Variants in SIPA1L2 observed in about 807,000 individuals in gnomAD.
SIPA1L2 encodes signal induced proliferation associated 1 like 2.
SIPA1L2 carries 56 observed loss-of-function variants against 163.9 expected under a neutral mutation model. The ratio of observed to expected loss-of-function variants is 0.34; its 90% CI spans 0.28 to 0.43. SIPA1L2 has a LOEUF of 0.43. Ranked by LOEUF, SIPA1L2 falls within the 20% of genes least tolerant of loss-of-function variation. The probability of loss-of-function intolerance (pLI) is 1.00; values close to 1 mark genes in which losing one functional copy is unlikely to be tolerated. For synonymous variants in SIPA1L2, 877 were observed against 865.7 expected (o/e 1.01, Z -0.23); for missense variants, 1,974 against 2,193.5 (o/e 0.90, Z 2.00).
chr1:232,530,558 A>G (rs1244565894), intron 2 of SIPA1L2, among the ~76,000 whole-genome samples: 1 of 152,150 alleles, frequency 6.6e-6, no homozygotes, highest in Non-Finnish European at 1.5e-5. Flanking sequence ...CTGAGCAAAA[A>G]GGTAAATACT....
chr1:232,549,968 A>C (rs1172460105), intron 2 of SIPA1L2, among the ~76,000 whole-genome samples: 2 of 152,226 alleles, frequency 1.3e-5, no homozygotes, highest in Admixed American at 1.3e-4. Flanking sequence ...TAACTGTGAC[A>C]GTGAATTTCT....
intron 1 of SIPA1L2, among the ~76,000 whole-genome samples, chr1:232,626,178 CACTT>C (rs1232376640): frequency 1.3e-5 from 2 of 150,772 alleles, no homozygotes; most frequent in Non-Finnish European, 2.9e-5. Context: ...ATTTTAAACA[CACTT>C]ATGTAGCAAC....
chr1:232,406,327 C>T (rs1027980019), intron 19 of SIPA1L2, among the ~76,000 whole-genome samples: 6 of 152,220 alleles, frequency 3.9e-5, no homozygotes, highest in Non-Finnish European at 7.3e-5. Context: ...GGAGCCCCTT[C>T]GGTTTTCTTT....
In SIPA1L2 at chr1:232,564,463, A is replaced by C. The variant is rs1659283256; in HGVS notation, c.-270+9711T>G. Among the ~76,000 whole-genome samples, 3 of 152,080 alleles carry C rather than the reference A, an allele frequency of 2.0e-5. No homozygotes were observed. In the South Asian group the frequency reaches 6.2e-4, roughly 32 times the overall value. On this transcript the variant is annotated intron_variant, in intron 2 of 22. Transcript: ENST00000674635. ...AACCAGGAGGGAGGGGGTCACTATC[A>C]AGCATGAAGCCTGCCTGCAAGGGAT... is the stretch of plus-strand genomic sequence containing the variant.
intron 18 of SIPA1L2, among the ~76,000 whole-genome samples, chr1:232,425,259 C>CTTT (rs10633026): frequency 2.7e-5 from 4 of 147,282 alleles, no homozygotes; most frequent in Non-Finnish European, 3.0e-5. Context: ...TCAGTCTTTT[C>CTTT]TTTTTTTTTT....
chr1:232,580,637 G>A (rs1660325039), intron 1 of SIPA1L2, among the ~76,000 whole-genome samples: 1 of 152,110 alleles, frequency 6.6e-6, no homozygotes, highest in Non-Finnish European at 1.5e-5. Context: ...AACCTCACAT[G>A]GGTAGCAGCC....
chr1:232,447,743 C>T (rs1663301804), intron 10 of SIPA1L2, among the ~76,000 whole-genome samples: 1 of 152,188 alleles, frequency 6.6e-6, no homozygotes, highest in South Asian at 2.1e-4. Context: ...TTCTGTCTTT[C>T]CAGCTAATTA....
At chr1:232,614,213 G>C (rs1323668809) in intron 1 of SIPA1L2, among the ~76,000 whole-genome samples, 1 of 151,986 alleles carries the variant, frequency 6.6e-6, no homozygotes, top group Admixed American at 6.5e-5. Flanking sequence ...AAAGGGTTTT[G>C]GCTGATGGAA....
intron 2 of SIPA1L2, among the ~76,000 whole-genome samples, chr1:232,573,782 G>T (rs1488217119): frequency 6.6e-6 from 1 of 152,036 alleles, no homozygotes; most frequent in Non-Finnish European, 1.5e-5. Flanking sequence ...CATCCTATTC[G>T]GGGAGAGAAG....
chr1:232,463,653 A>G (rs371510747), intron 9 of SIPA1L2, among the ~76,000 whole-genome samples: 5 of 152,244 alleles, frequency 3.3e-5, no homozygotes, highest in African/African-American at 1.2e-4. Context: ...TTTCAGAAGC[A>G]CAGATTATAA....
At chr1:232,450,024 A>G (rs536954602) in intron 10 of SIPA1L2, among the ~76,000 whole-genome samples, 1 of 152,342 alleles carries the variant, frequency 6.6e-6, no homozygotes, top group South Asian at 2.1e-4. Context: ...AATTCATGGT[A>G]GCGTTAATAG....
intron 2 of SIPA1L2, among the ~76,000 whole-genome samples, chr1:232,573,594 C>T (rs962509931): frequency 1.3e-5 from 2 of 152,306 alleles, no homozygotes; most frequent in East Asian, 1.9e-4. Context: ...CCTGCTGCTA[C>T]AGGAAATGCA....
chr1:232,572,754 T>TACACAC (rs1558277626), intron 2 of SIPA1L2, among the ~76,000 whole-genome samples: 2 of 116,038 alleles, frequency 1.7e-5, no homozygotes, highest in African/African-American at 3.1e-5. Context: ...TATATATATA[T>TACACAC]ATATATATAT....
chr1:232,495,147 C>A (rs1182856279), intron 3 of SIPA1L2, among the ~76,000 whole-genome samples: 1 of 152,218 alleles, frequency 6.6e-6, no homozygotes, highest in South Asian at 2.1e-4. Flanking sequence ...CTAATGAATA[C>A]TGGCTAGACC....
At chr1:232,553,600 G>A (rs986449368) in intron 2 of SIPA1L2, among the ~76,000 whole-genome samples, 9 of 152,312 alleles carry the variant, frequency 5.9e-5, no homozygotes, top group Admixed American at 4.6e-4. Context: ...AGGCTGCCAG[G>A]AGGCAAGGAG....
At chr1:232,431,099 T>G (rs1276596287) in intron 16 of SIPA1L2, among the ~76,000 whole-genome samples, 1 of 152,054 alleles carries the variant, frequency 6.6e-6, no homozygotes, top group Admixed American at 6.5e-5. Context: ...TCCAAAAGAG[T>G]CCTTCGCCTA....
chr1:232,417,706 C>A (rs2884089), intron 18 of SIPA1L2, among the ~76,000 whole-genome samples: 7,515 of 152,232 alleles, frequency 0.049, 266 homozygotes, highest in Admixed American at 0.12. Context: ...AGGAATCTTC[C>A]TTCACTTAAA....
intron 1 of SIPA1L2, among the ~76,000 whole-genome samples, chr1:232,611,435 G>C (rs545187360): frequency 1.3e-5 from 2 of 152,276 alleles, no homozygotes; most frequent in South Asian, 4.1e-4. Context: ...GGAAAGTTTG[G>C]AACTTGCCTG....
chr1:232,476,250 C>G (rs1665039684), intron 7 of SIPA1L2, among the ~76,000 whole-genome samples: 1 of 152,038 alleles, frequency 6.6e-6, no homozygotes, highest in Non-Finnish European at 1.5e-5. Flanking sequence ...GGTGTCAAGC[C>G]CATTACTAGA....
Sources: gnomAD v4.1 joint callset for allele counts (sites outside exome capture counted in the v4.1 genomes callset) on GRCh38, gnomAD v4.1.1 for gene constraint, MANE v1.5 for transcripts, NCBI Gene and HGNC (gene_info 2026-07-23, HGNC 2026-07-21) for gene names.